Variants in STON1 observed in about 807,000 individuals in gnomAD.
STON1 encodes the protein stonin-1.
STON1 carries 79 observed loss-of-function variants against 60.9 expected under a neutral mutation model. The observed-to-expected ratio is 1.30, with a 90% CI of 1.08 to 1.56. The LOEUF (loss-of-function observed/expected upper bound fraction) is 1.56, where lower values mean the gene tolerates loss of function less well. Ranked by LOEUF, STON1 falls within the 40% of genes most tolerant of loss-of-function variation. The pLI is 0.00. For synonymous variants in STON1, 363 were observed against 306.9 expected, an observed-to-expected ratio of 1.18 and a Z score of -1.91; for missense variants, 1,166 against 858.9, an observed-to-expected ratio of 1.36 and a Z score of -4.47.
chr2:48,551,555 C>T lies in STON1; in HGVS notation c.-48+21339C>T, dbSNP rs938041423. The stretch of plus-strand genomic sequence containing the variant: ...GTGGCTACCTGCCTGATTCTGGGGA[C>T]GGGGCGCTTTGATGGAGATCCTGAG... On this transcript the variant is annotated intron_variant, in intron 1 of 3. Transcript: ENST00000404752. 9.2e-5 allele frequency among the ~76,000 whole-genome samples: 14 copies of T among 152,352 alleles called. No individual in the cohort carries two copies. In the East Asian group the frequency reaches 1.3e-3, roughly 15 times the overall value.
chr2:48,531,291 A>AC (rs1278489351), intron 1 of STON1: 4 of 151,388 alleles, frequency 2.6e-5, no homozygotes, highest in African/African-American at 9.7e-5. Context: ...CAACTCCCCC[A>AC]CCCCCACTTT....
chr2:48,564,271 T>G (rs145934506), intron 1 of STON1, among the ~76,000 whole-genome samples: 1 of 152,110 alleles, frequency 6.6e-6, no homozygotes, highest in Non-Finnish European at 1.5e-5. Flanking sequence ...TTTCTCACAG[T>G]TCCAGAGGCT....
At chr2:48,585,740 A>C (rs1302039382) in intron 2 of STON1, among the ~76,000 whole-genome samples, 2 of 152,220 alleles carry the variant, frequency 1.3e-5, no homozygotes, top group Non-Finnish European at 2.9e-5. Context: ...CAAAAAGGGA[A>C]AGAGAGGCAG....
rs1354203402 is a variant in STON1, at chr2:48,597,964, G to A, written c.*2662G>A. 1 of 152,138 alleles carries A rather than the reference G, an allele frequency of 6.6e-6. No homozygotes were observed. Among genetic ancestry groups the A allele is most frequent in the Non-Finnish European group, 1.5e-5 (1 of 68,022 alleles). The allele number at this position is 152,138 out of a possible 1,614,324, so 9.4% of individuals were successfully genotyped here. A position where few individuals can be genotyped will look rare whatever the true frequency, so the allele number is the denominator to read the frequency against. ...GAAGCGGGGAAGGAAAGGAATGAGG[G>A]AGGAAATATTCCTTTCTAGCATTCA... On this transcript the variant is annotated 3_prime_UTR_variant, in exon 4 of 4. Transcript: ENST00000404752.
intron 2 of STON1, among the ~76,000 whole-genome samples, chr2:48,582,827 G>A (rs1319516812): frequency 1.3e-5 from 2 of 152,098 alleles, no homozygotes; most frequent in Non-Finnish European, 2.9e-5. Context: ...TGTGGATGGC[G>A]GCACTAAGAG....
In STON1 at chr2:48,580,667, T is replaced by G. The variant is rs771355505; in HGVS notation, c.34T>G (p.Phe12Val). ...CACAAATCCAGGCAAATGGGTCACCTTTGATGATGATCCTGCTGTTCAATC... is the reference window on the plus strand; with the variant it reads ...CACAAATCCAGGCAAATGGGTCACCGTTGATGATGATCCTGCTGTTCAATC... ...CSTNPGKWVT[F>V]DDDPAVQSSQ... Residue 12 changes from phenylalanine to valine, a missense_variant, in exon 2 of 4, where the codon TTT (phenylalanine) becomes GTT (valine). Transcript: ENST00000404752. The G allele has an allele frequency of 2.8e-6, 4 of 1,408,814 alleles. No homozygotes were observed. 87.3% of individuals were successfully genotyped at this position (1,408,814 alleles called of 1,614,324 possible).
In STON1 at chr2:48,581,773, C is replaced by G. The variant is rs983847021; in HGVS notation, c.1140C>G (p.Ser380=). ...PDIEQMLKLG[S]TSYHDFLDFL... is the part of the protein sequence containing the mutation. ...TAGAGCAGATGCTGAAGTTGGGGTC[C>G]ACATCGTACCATGACTTCCTTGACT... The change falls in exon 2 of 4, where the codon TCC becomes TCG. Residue 380 remains serine, a synonymous_variant. Transcript: ENST00000404752. The G allele has an allele frequency of 6.2e-7, 1 of 1,613,746 alleles. No homozygotes were observed. Among genetic ancestry groups the G allele is most frequent in the African/African-American group, 1.3e-5 (1 of 74,886 alleles).
In STON1 at chr2:48,578,746, A is replaced by G. The variant is rs141920687; in HGVS notation, c.-47-1841A>G. 1.4e-3 allele frequency among the ~76,000 whole-genome samples: 217 copies of G among 151,452 alleles called. 2 individuals carry two copies. The highest frequency in any genetic ancestry group is 4.9e-3 in the African/African-American group (203 of 41,352). ...AATTTTTGGGCAGGTACCCACCACC[A>G]TGCTTGGTTAACTTTTGTATTTTTA... On this transcript the variant is annotated intron_variant, in intron 1 of 3. Coordinates refer to ENST00000404752, the MANE Select transcript of STON1 (RefSeq NM_006873.4).
In STON1 at chr2:48,581,560, G is replaced by A. The variant is rs372431723; in HGVS notation, c.927G>A (p.Met309Ile). 2 of 1,614,094 alleles carry A rather than the reference G, an allele frequency of 1.2e-6. No individual in the cohort carries two copies. The highest frequency in any genetic ancestry group is 1.1e-5 in the South Asian group (1 of 91,090). Residue 309 changes from methionine to isoleucine, a missense_variant, in exon 2 of 4, where the codon ATG (methionine) becomes ATA (isoleucine). By Grantham distance (10) the Met-to-Ile change is conservative (BLOSUM62 1). Coordinates refer to ENST00000404752, the MANE Select transcript of STON1 (RefSeq NM_006873.4). ...LKVLPGGILQ[M>I]YYEQGLEKPF... ...TTTTGCCTGGAGGAATTTTGCAGAT[G>A]TATTATGAACAGGGATTAGAAAAAC...
intron 1 of STON1, among the ~76,000 whole-genome samples, chr2:48,545,437 C>A (rs139383745): frequency 1.6e-4 from 24 of 152,306 alleles, no homozygotes; most frequent in Non-Finnish European, 2.6e-4. Context: ...AGACCCCGGC[C>A]AGACATGTGT....
intron 1 of STON1, among the ~76,000 whole-genome samples, chr2:48,536,115 A>T (rs1373495637): frequency 6.6e-6 from 1 of 151,800 alleles, no homozygotes; most frequent in Non-Finnish European, 1.5e-5. Flanking sequence ...CCTAAAAACC[A>T]AATTTGTGAG....
At chr2:48,557,786 C>T (rs752589651) in intron 1 of STON1, among the ~76,000 whole-genome samples, 8 of 152,340 alleles carry the variant, frequency 5.3e-5, no homozygotes, top group Admixed American at 5.2e-4. Context: ...ATAAAGTTCA[C>T]AAGTATTTTG....
At chr2:48,541,585 G>C (rs1341699821) in intron 1 of STON1, among the ~76,000 whole-genome samples, 5 of 147,950 alleles carry the variant, frequency 3.4e-5, no homozygotes, top group Non-Finnish European at 5.9e-5. Flanking sequence ...TGTAGTCCCA[G>C]CTACTTGGGA....
intron 1 of STON1, among the ~76,000 whole-genome samples, chr2:48,579,358 G>C (rs1673740118): frequency 2.0e-5 from 3 of 152,096 alleles, no homozygotes; most frequent in African/African-American, 7.2e-5. Context: ...GCCCAGGCTG[G>C]AGTGCAGTGG....
chr2:48,541,286 G>T (rs1671639724), intron 1 of STON1, among the ~76,000 whole-genome samples: 1 of 151,860 alleles, frequency 6.6e-6, no homozygotes, highest in South Asian at 2.1e-4. Flanking sequence ...AGCTGGGGCG[G>T]AGGTTGAAGT....
At chr2:48,590,824 G>C (rs1231076605) in intron 2 of STON1, among the ~76,000 whole-genome samples, 30 of 152,108 alleles carry the variant, frequency 2.0e-4, no homozygotes, top group Admixed American at 2.0e-3. Context: ...ACTCTGTATA[G>C]CTGTTCCAGT....
In STON1 at chr2:48,564,572, TCTCCTTCTC is replaced by T. The variant is rs1672833247; in HGVS notation, c.-47-16009_-47-16001del. On this transcript the variant is annotated intron_variant, in intron 1 of 3. Transcript: ENST00000404752. ...TTCTTCTTCTTCTTCTTCTTCTCCT[TCTCCTTCTC>T]CTCCTCCTCCTCCTCCTCCTCCTTC... Among the ~76,000 whole-genome samples the T allele has an allele frequency of 5.6e-5, 3 of 53,998 alleles. 1 individual carries two copies. Among genetic ancestry groups the T allele is most frequent in the Admixed American group, 1.9e-4 (1 of 5,174 alleles). 35.4% of individuals were successfully genotyped at this position (53,998 alleles called of 152,430 possible).
At chr2:48,562,309 G>T (rs1672645414) in intron 1 of STON1, among the ~76,000 whole-genome samples, 1 of 152,186 alleles carries the variant, frequency 6.6e-6, no homozygotes, top group South Asian at 2.1e-4. Flanking sequence ...TGTTGTTTGA[G>T]AATGAGAGAC....
intron 1 of STON1, among the ~76,000 whole-genome samples, chr2:48,540,472 C>A (rs1671608943): frequency 6.6e-6 from 1 of 152,136 alleles, no homozygotes; most frequent in African/African-American, 2.4e-5. Flanking sequence ...CCCAGGAGGA[C>A]CGGGTTGATG....
Sources: allele counts gnomAD v4.1 joint callset (sites outside exome capture counted in the v4.1 genomes callset), GRCh38; gene constraint gnomAD v4.1.1; transcripts MANE v1.5; gene names NCBI Gene and HGNC (gene_info 2026-07-23, HGNC 2026-07-21).